Variants in TRDN observed in about 807,000 individuals in gnomAD.
The protein encoded by TRDN is triadin in skeletal muscle.
Under a neutral mutation model 149.7 loss-of-function variants are expected in TRDN, and 161 were observed. The observed-to-expected ratio is 1.08, with a 90% CI of 0.95 to 1.23. The LOEUF is 1.23. TRDN is among the 50% of genes most tolerant of loss of function. The pLI is 0.00. For synonymous variants in TRDN, 294 were observed against 250.5 expected, an observed-to-expected ratio of 1.17 and a Z score of -1.64; for missense variants, 896 against 823.5, an observed-to-expected ratio of 1.09 and a Z score of -1.08.
chr6:123,569,649 T>G (rs2114532364), intron 2 of TRDN, among the ~76,000 whole-genome samples: 1 of 152,246 alleles, frequency 6.6e-6, no homozygotes, highest in South Asian at 2.1e-4. Flanking sequence ...TTCAGGAAGC[T>G]TGCAATAATG....
chr6:123,493,705 G>A (rs940470556), intron 9 of TRDN, among the ~76,000 whole-genome samples: 9 of 152,248 alleles, frequency 5.9e-5, no homozygotes, highest in South Asian at 2.1e-4. Flanking sequence ...AGATGGAAGC[G>A]CAAATGTTTT....
At chr6:123,626,759 T>TA (rs1003988305) in intron 1 of TRDN, among the ~76,000 whole-genome samples, 5 of 151,852 alleles carry the variant, frequency 3.3e-5, no homozygotes, top group Non-Finnish European at 5.9e-5. Flanking sequence ...ACAATAAAAA[T>TA]AAAAAAATTT....
intron 2 of TRDN, among the ~76,000 whole-genome samples, chr6:123,553,659 A>G (rs1291095365): frequency 6.6e-6 from 1 of 152,208 alleles, no homozygotes; most frequent in African/African-American, 2.4e-5. Flanking sequence ...AAGCCTCACA[A>G]TCATGATGGA....
At chr6:123,411,946 T>C (rs187810467) in intron 12 of TRDN, 1 of 152,302 alleles carries the variant, frequency 6.6e-6, no homozygotes, top group Admixed American at 6.5e-5. Flanking sequence ...GATTTGGGAC[T>C]TTTAAAGAGT....
In TRDN at chr6:123,302,083, T is replaced by A. The variant is rs145957540; in HGVS notation, c.1510+14374A>T. On this transcript the variant is annotated intron_variant, in intron 24 of 40. Transcript: ENST00000334268. ...TATGTATAATTCTACATATTATATT[T>A]TATATATATATGTTTCTCTTGCAGG... 3.2e-3 allele frequency among the ~76,000 whole-genome samples: 478 copies of A among 150,852 alleles called. 16 individuals carry two copies. In the East Asian group the frequency reaches 0.076, roughly 24 times the overall value.
At chr6:123,231,589 T>C (rs1775604022) in intron 38 of TRDN, among the ~76,000 whole-genome samples, 1 of 152,036 alleles carries the variant, frequency 6.6e-6, no homozygotes, top group South Asian at 2.1e-4. Context: ...ATAGAGGCCC[T>C]AGACTCCTGG....
At chr6:123,230,352 A>G (rs950971841) in intron 38 of TRDN, among the ~76,000 whole-genome samples, 1 of 151,910 alleles carries the variant, frequency 6.6e-6, no homozygotes, top group Non-Finnish European at 1.5e-5. Flanking sequence ...ACACTTGGAC[A>G]TAGGAAGGGG....
At chr6:123,531,550 T>C (rs924001126) in intron 4 of TRDN, among the ~76,000 whole-genome samples, 6 of 152,114 alleles carry the variant, frequency 3.9e-5, no homozygotes, top group African/African-American at 9.7e-5. Flanking sequence ...GTAACCACCA[T>C]TGTGAAGGTT....
At chr6:123,592,588 GA>G (rs137897412) in intron 1 of TRDN, among the ~76,000 whole-genome samples, 1 of 151,954 alleles carries the variant, frequency 6.6e-6, no homozygotes, top group African/African-American at 2.4e-5. Context: ...ATTTTACTGG[GA>G]AAAAAATGAC....
intron 9 of TRDN, among the ~76,000 whole-genome samples, chr6:123,473,003 A>G (rs1777265353): frequency 6.6e-6 from 1 of 152,162 alleles, no homozygotes; most frequent in Non-Finnish European, 1.5e-5. Flanking sequence ...AAAAAACAGA[A>G]CAGAAAAACT....
intron 12 of TRDN, among the ~76,000 whole-genome samples, chr6:123,423,380 T>C (rs1042529511): frequency 6.6e-6 from 1 of 152,168 alleles, no homozygotes; most frequent in Non-Finnish European, 1.5e-5. Flanking sequence ...ACATATTTAT[T>C]CACTCTCTAA....
At chr6:123,318,541 C>A (rs1562260103) in intron 23 of TRDN, among the ~76,000 whole-genome samples, 1 of 151,980 alleles carries the variant, frequency 6.6e-6, no homozygotes, top group Non-Finnish European at 1.5e-5. Context: ...CTTCTTAGTT[C>A]TGTTTCCGAA....
intron 32 of TRDN, among the ~76,000 whole-genome samples, chr6:123,266,480 TATA>T (rs1315138269): frequency 2.5e-5 from 1 of 40,080 alleles, no homozygotes; most frequent in African/African-American, 1.3e-4. Flanking sequence ...ATATATATAT[TATA>T]ATATGTATTA....
At chr6:123,247,702 T>C (rs1427188091) in intron 38 of TRDN, among the ~76,000 whole-genome samples, 1 of 152,132 alleles carries the variant, frequency 6.6e-6, no homozygotes, top group Non-Finnish European at 1.5e-5. Context: ...TCAAAGCTAT[T>C]CTGGTCAAGC....
intron 21 of TRDN, among the ~76,000 whole-genome samples, chr6:123,345,430 T>C (rs993640646): frequency 6.6e-6 from 1 of 152,034 alleles, no homozygotes; most frequent in Non-Finnish European, 1.5e-5. Context: ...GTCTATTCTT[T>C]CACTAATATC....
chr6:123,530,052 G>A (rs772834126), intron 5 of TRDN, among the ~76,000 whole-genome samples: 9 of 151,906 alleles, frequency 5.9e-5, no homozygotes, highest in East Asian at 1.9e-4. Flanking sequence ...CAGGAGAGCC[G>A]TGGGGCTTTC....
At chr6:123,509,858 G>T (rs1279635809) in intron 7 of TRDN, 1 of 151,470 alleles carries the variant, frequency 6.6e-6, no homozygotes, top group African/African-American at 2.4e-5. Flanking sequence ...TTATTTTTGT[G>T]AAGAATACTC....
At chr6:123,348,762 C>G (rs1582901787) in intron 21 of TRDN, among the ~76,000 whole-genome samples, 1 of 152,006 alleles carries the variant, frequency 6.6e-6, no homozygotes, top group African/African-American at 2.4e-5. Context: ...AAATTAGCAG[C>G]TCAATAATCT....
intron 14 of TRDN, among the ~76,000 whole-genome samples, chr6:123,388,169 T>A (rs559312159): frequency 1.3e-5 from 2 of 152,126 alleles, no homozygotes; most frequent in African/African-American, 4.8e-5. Context: ...ACTACTGTTT[T>A]ATATACCCCA....
Sources: gnomAD v4.1 joint callset for allele counts (sites outside exome capture counted in the v4.1 genomes callset) on GRCh38, gnomAD v4.1.1 for gene constraint, MANE v1.5 for transcripts, NCBI Gene and HGNC (gene_info 2026-07-23, HGNC 2026-07-21) for gene names.